Variants in UBE2W observed in about 807,000 individuals in gnomAD.
The protein encoded by UBE2W is ubiquitin-conjugating enzyme E2 W.
A neutral mutation model predicts 27.2 loss-of-function variants in UBE2W; 18 were observed. That is an observed-to-expected ratio of 0.66 (90% CI 0.46 to 0.98). UBE2W has a LOEUF of 0.98. UBE2W is among the 50% of genes least tolerant of loss of function. The pLI is 0.00. For missense variants in UBE2W, 90 were observed against 180.2 expected (o/e 0.50, Z 2.87); for synonymous variants, 53 against 57.2 (o/e 0.93, Z 0.33).
At chr8:73,780,578 G>A (rs1373149737) in intron 4 of UBE2W, 1 of 439,762 alleles carries the variant, frequency 2.3e-6, no homozygotes, top group Middle Eastern at 7.0e-4. Context: ...CTATCTCCAG[G>A]CTGGAGTGCA....
At chr8:73,834,939 C>A (rs568801177) in intron 1 of UBE2W, among the ~76,000 whole-genome samples, 19 of 152,016 alleles carry the variant, frequency 1.2e-4, no homozygotes, top group African/African-American at 4.3e-4. Flanking sequence ...AAACTCCCAA[C>A]AACAACAAAA....
Position 73,793,022 on chromosome 8 carries a change from T to A in UBE2W, c.*1080A>T. 2 of 985,470 alleles carry A rather than the reference T, an allele frequency of 2.0e-6. No homozygotes were observed. Among genetic ancestry groups the A allele is most frequent in the South Asian group, 9.4e-5 (2 of 21,280 alleles). The allele number at this position is 985,470 out of a possible 1,614,324, so 61.0% of individuals were successfully genotyped here. A position where few individuals can be genotyped will look rare whatever the true frequency, so the allele number is the denominator to read the frequency against. ...TAGGGTACAGGATTAAAGGACAAGA[T>A]GATACTCACAAGTAAAGAAAATTTA... is the stretch of plus-strand genomic sequence containing the variant. On this transcript the variant is annotated 3_prime_UTR_variant, in exon 6 of 6. Transcript: ENST00000602593.
Position 73,793,819 on chromosome 8 carries a change from T to C in UBE2W, c.*283A>G. 1 of 1,142,714 alleles carries C rather than the reference T, an allele frequency of 8.8e-7. No homozygotes were observed. Among genetic ancestry groups the C allele is most frequent in the East Asian group, 4.6e-5 (1 of 21,930 alleles). 70.8% of individuals were successfully genotyped at this position (1,142,714 alleles called of 1,614,324 possible). A position where few individuals can be genotyped will look rare whatever the true frequency, so the allele number is the denominator to read the frequency against. On this transcript the variant is annotated 3_prime_UTR_variant, in exon 6 of 6. Coordinates refer to ENST00000602593, the MANE Select transcript of UBE2W (RefSeq NM_018299.6). Reference sequence around the variant, plus strand: ...ACAATACATGAGGACCTGGAGCTTTTCCAAAAGCTTAAAAAAATAAAAATA... The same window carrying C: ...ACAATACATGAGGACCTGGAGCTTTCCCAAAAGCTTAAAAAAATAAAAATA...
chr8:73,865,487 C>T (rs978623497), intron 1 of UBE2W, among the ~76,000 whole-genome samples: 5 of 152,106 alleles, frequency 3.3e-5, no homozygotes, highest in African/African-American at 1.2e-4. Context: ...TGGTGTGCAC[C>T]TGTAGTCTCA....
intron 3 of UBE2W, among the ~76,000 whole-genome samples, chr8:73,824,645 G>C (rs578116858): frequency 6.6e-6 from 1 of 152,284 alleles, no homozygotes; most frequent in Admixed American, 6.5e-5. Context: ...TTTTGGGATG[G>C]AACTGTTCCA....
Position 73,810,637 on chromosome 8 carries a change from A to G in UBE2W, c.211-8T>C, listed in dbSNP as rs760936125. ...TTCACCAGTAAACATGACCTAAGAG[A>G]GAATAAAATTCCATTAAAACTCAAA... is the stretch of plus-strand genomic sequence containing the variant. On this transcript the variant is annotated splice_polypyrimidine_tract_variant and splice_region_variant and intron_variant, in intron 3 of 5. Transcript: ENST00000602593. The G allele has an allele frequency of 6.5e-7, 1 of 1,537,016 alleles. No individual in the cohort carries two copies. The highest frequency in any genetic ancestry group is 8.7e-7 in the Non-Finnish European group (1 of 1,145,076).
chr8:73,822,648 G>C (rs1479612200), intron 3 of UBE2W, among the ~76,000 whole-genome samples: 1 of 146,592 alleles, frequency 6.8e-6, no homozygotes, highest in Non-Finnish European at 1.5e-5. Context: ...GCTGGGTGTG[G>C]TGGCATGCAC....
intron 3 of UBE2W, among the ~76,000 whole-genome samples, chr8:73,822,313 A>G (rs1191554018): frequency 6.6e-6 from 1 of 152,116 alleles, no homozygotes; most frequent in Non-Finnish European, 1.5e-5. Context: ...CTAGGCCGAC[A>G]AAGAATCCCT....
intron 1 of UBE2W, among the ~76,000 whole-genome samples, chr8:73,850,654 A>G (rs1811032315): frequency 6.7e-6 from 1 of 149,764 alleles, no homozygotes; most frequent in African/African-American, 2.4e-5. Flanking sequence ...AAAATAAAGG[A>G]TTACAAACAT....
At chr8:73,786,077 G>A (rs546001860), downstream of UBE2W, 3 of 434,186 alleles carry the variant, frequency 6.9e-6, no homozygotes, top group South Asian at 9.9e-5. Context: ...GCTTAATGCT[G>A]GTTTTTAAAC....
chr8:73,820,078 G>C (rs1287715894), intron 3 of UBE2W, among the ~76,000 whole-genome samples: 1 of 152,110 alleles, frequency 6.6e-6, no homozygotes, highest in East Asian at 1.9e-4. Context: ...TTGGATTACA[G>C]GCATGAGTAC....
At chr8:73,794,328 A>C (rs901995612) in intron 5 of UBE2W, among the ~76,000 whole-genome samples, 5 of 152,184 alleles carry the variant, frequency 3.3e-5, no homozygotes, top group African/African-American at 1.2e-4. Flanking sequence ...GTTCACATAA[A>C]CCTTAAAATG....
chr8:73,790,382 C>G lies in UBE2W; in HGVS notation c.*3720G>C, dbSNP rs1369041951. On this transcript the variant is annotated 3_prime_UTR_variant, in exon 6 of 6. Transcript: ENST00000602593. ...ACCTTCTTCACAGACCTCAATCATG[C>G]ACAGGCAGTAACGGCATTACTATAA... The G allele has an allele frequency of 1.0e-6, 1 of 985,238 alleles. No individual in the cohort carries two copies. The highest frequency in any genetic ancestry group is 6.2e-5 in the Admixed American group (1 of 16,248). 61.0% of individuals were successfully genotyped at this position (985,238 alleles called of 1,614,324 possible).
chr8:73,793,974 T>A lies in UBE2W; in HGVS notation c.*128A>T. 6.6e-7 allele frequency: 1 copy of A among 1,504,218 alleles called. No homozygotes were observed. Among genetic ancestry groups the A allele is most frequent in the Non-Finnish European group, 8.9e-7 (1 of 1,126,612 alleles). 93.2% of individuals were successfully genotyped at this position (1,504,218 alleles called of 1,614,324 possible). A position where few individuals can be genotyped will look rare whatever the true frequency, so the allele number is the denominator to read the frequency against. On this transcript the variant is annotated 3_prime_UTR_variant, in exon 6 of 6. Coordinates refer to ENST00000602593, the MANE Select transcript of UBE2W (RefSeq NM_018299.6). Reference sequence around the variant, plus strand: ...AGAATGCACACGAGTAAAAATGCAGTAAAAGGAAGTAGTCTTCATTGCCTA... The same window carrying A: ...AGAATGCACACGAGTAAAAATGCAGAAAAAGGAAGTAGTCTTCATTGCCTA...
intron 1 of UBE2W, among the ~76,000 whole-genome samples, chr8:73,862,515 G>A (rs1269353104): frequency 6.6e-6 from 1 of 151,366 alleles, no homozygotes; most frequent in African/African-American, 2.4e-5. Flanking sequence ...ACATAGGCAT[G>A]GGCAAGGACT....
At chr8:73,783,536 T>C (rs75984259), downstream of UBE2W, among the ~76,000 whole-genome samples, 2,206 of 152,296 alleles carry the variant, frequency 0.014, 61 homozygotes, top group African/African-American at 0.05. Flanking sequence ...TGTTCCACTA[T>C]GTCTATCTTT....
At chr8:73,802,875 T>C (rs1230498069) in intron 5 of UBE2W, among the ~76,000 whole-genome samples, 1 of 150,984 alleles carries the variant, frequency 6.6e-6, no homozygotes, top group African/African-American at 2.4e-5. Flanking sequence ...TACAAAAAAT[T>C]AGCCGAGCGA....
intron 4 of UBE2W, among the ~76,000 whole-genome samples, chr8:73,806,610 G>A (rs1337462686): frequency 6.6e-6 from 1 of 151,728 alleles, no homozygotes; most frequent in Non-Finnish European, 1.5e-5. Flanking sequence ...AACTCAGGAG[G>A]CTGAGGCAGG....
Position 73,792,597 on chromosome 8 carries a change from T to C in UBE2W, c.*1505A>G. On this transcript the variant is annotated 3_prime_UTR_variant, in exon 6 of 6. Transcript: ENST00000602593. ...ACTGGCTTTCAGTTTTAAGCCCAAA[T>C]TGATTCATATATTCACTGCAGGATA... 25 of 985,762 alleles carry C rather than the reference T, an allele frequency of 2.5e-5. No individual in the cohort carries two copies. The highest frequency in any genetic ancestry group is 4.7e-5 in the South Asian group (1 of 21,292). 61.1% of individuals were successfully genotyped at this position (985,762 alleles called of 1,614,324 possible). A position where few individuals can be genotyped will look rare whatever the true frequency, so the allele number is the denominator to read the frequency against.
Sources: gnomAD v4.1 joint callset for allele counts (sites outside exome capture counted in the v4.1 genomes callset) on GRCh38, gnomAD v4.1.1 for gene constraint, MANE v1.5 for transcripts, NCBI Gene and HGNC (gene_info 2026-07-23, HGNC 2026-07-21) for gene names.